The following ZNF257 variants were observed in gnomAD, a reference collection of about 807,000 sequenced individuals.
The protein encoded by ZNF257 is bone marrow zinc finger 4.
In ZNF257, 12 loss-of-function variants were observed where a neutral mutation model predicts 11.9. The ratio of observed to expected loss-of-function variants is 1.01; its 90% CI spans 0.65 to 1.63. ZNF257 has a LOEUF of 1.63. Ranked by LOEUF, ZNF257 falls within the 40% of genes most tolerant of loss-of-function variation. ZNF257 has a pLI of 0.00. For missense variants in ZNF257, 580 were observed against 665.5 expected, an observed-to-expected ratio of 0.87 and a Z score of 1.41; for synonymous variants, 183 against 222.7, an observed-to-expected ratio of 0.82 and a Z score of 1.59.
At chr19:22,052,943 A>C (rs1971735824) in intron 1 of ZNF257, among the ~76,000 whole-genome samples, 1 of 152,298 alleles carries the variant, frequency 6.6e-6, no homozygotes, top group South Asian at 2.1e-4. Flanking sequence ...GAGAGTCGTC[A>C]GGGGAGAATC....
At chr19:22,054,615 T>C (rs902271844) in intron 1 of ZNF257, among the ~76,000 whole-genome samples, 5 of 152,236 alleles carry the variant, frequency 3.3e-5, no homozygotes, top group African/African-American at 1.2e-4. Flanking sequence ...GATGGCACTT[T>C]AAAAAGATTT....
chr19:22,072,830 G>C lies in ZNF257; in HGVS notation c.25G>C (p.Val9Leu). ...TCAGGGACCACTGACAATTAGGGAT[G>C]TGACTGTAGAATTCTCTCTGGAGGA... MGPLTIRD[V>L]TVEFSLEEWH... is the part of the protein sequence containing the mutation. The change falls in exon 2 of 4, where the codon GTG (valine) becomes CTG (leucine). Residue 9 changes from valine to leucine, a missense_variant. By Grantham distance (32) the Val-to-Leu change is conservative (BLOSUM62 1). Coordinates refer to ENST00000594947, the MANE Select transcript of ZNF257 (RefSeq NM_033468.4). 1 of 1,612,880 alleles carries C rather than the reference G, an allele frequency of 6.2e-7. No homozygotes were observed. Among genetic ancestry groups the C allele is most frequent in the Non-Finnish European group, 8.5e-7 (1 of 1,179,430 alleles).
rs1487262999 is a variant in ZNF257 at position 22,088,347 on chromosome 19, T to C, written c.597T>C (p.Asn199=). ...TRHKRIHIRE[N]SHKCEECGKA... ...ATAAGAGAATTCATATTAGAGAGAA[T>C]TCCCACAAATGTGAAGAATGTGGCA... The change falls in exon 4 of 4, where the codon AAT becomes AAC. Residue 199 remains asparagine (N), a synonymous_variant. Transcript: ENST00000594947. 1.2e-6 allele frequency: 2 copies of C among 1,611,304 alleles called. No individual in the cohort carries two copies. Among genetic ancestry groups the C allele is most frequent in the East Asian group, 2.2e-5 (1 of 44,752 alleles).
chr19:22,090,773 A>T lies in ZNF257; in HGVS notation c.*1331A>T, dbSNP rs1406724507. 6.6e-6 allele frequency: 1 copy of T among 152,160 alleles called. No homozygotes were observed. The highest frequency in any genetic ancestry group is 2.1e-4 in the South Asian group (1 of 4,836). The allele number at this position is 152,160 out of a possible 1,614,324, so 9.4% of individuals were successfully genotyped here. ...AAATAATGATGTAAGTCAACTCTCA[A>T]ATTACTTCATGCTGTTTCTTCATTT... On this transcript the variant is annotated 3_prime_UTR_variant, in exon 4 of 4. Transcript: ENST00000594947.
chr19:22,080,884 T>G (rs1182649994), intron 3 of ZNF257, among the ~76,000 whole-genome samples: 1 of 55,512 alleles, frequency 1.8e-5, no homozygotes, highest in Non-Finnish European at 4.6e-5. Context: ...ATATAGTTGG[T>G]TTTTTTTTTT....
chr19:22,053,366 C>CAAA (rs61426953), intron 1 of ZNF257, among the ~76,000 whole-genome samples: 1,533 of 76,390 alleles, frequency 0.02, 157 homozygotes, highest in East Asian at 0.086. Context: ...GACTCCGTCT[C>CAAA]AAAAAAAAAA....
Position 22,085,285 on chromosome 19 carries a change from T to C in ZNF257, c.227-2692T>C, listed in dbSNP as rs1599674322. The stretch of plus-strand genomic sequence containing the variant: ...TGTATTTTCATGTTGGCCAGGCTGG[T>C]CTTGAACTCCTGACCTCAGGTGATC... On this transcript the variant is annotated intron_variant, in intron 3 of 3. Coordinates refer to ENST00000594947, the MANE Select transcript of ZNF257 (RefSeq NM_033468.4). Among the ~76,000 whole-genome samples the C allele has an allele frequency of 3.3e-5, 5 of 152,084 alleles. No individual in the cohort carries two copies. In the East Asian group the frequency reaches 9.7e-4, roughly 30 times the overall value.
chr19:22,062,820 T>C (rs1235843726), intron 1 of ZNF257, among the ~76,000 whole-genome samples: 1 of 152,192 alleles, frequency 6.6e-6, no homozygotes, highest in Non-Finnish European at 1.5e-5. Context: ...TTTTCCATTT[T>C]ATCTTTGCTG....
intron 1 of ZNF257, among the ~76,000 whole-genome samples, chr19:22,063,035 A>G (rs563339744): frequency 4.7e-4 from 72 of 152,246 alleles, no homozygotes; most frequent in Middle Eastern, 3.4e-3. Context: ...TTATTTGTCT[A>G]TTCAGGGCTT....
At chr19:22,084,753 A>G (rs1370030421) in intron 3 of ZNF257, among the ~76,000 whole-genome samples, 1 of 116,762 alleles carries the variant, frequency 8.6e-6, no homozygotes, top group Non-Finnish European at 1.7e-5. Context: ...TTTTTTTTTG[A>G]GACAATCTCA....
chr19:22,073,483 A>G lies in ZNF257; in HGVS notation c.145A>G (p.Lys49Glu). 3.1e-6 allele frequency: 5 copies of G among 1,610,480 alleles called. No individual in the cohort carries two copies. The highest frequency in any genetic ancestry group is 4.2e-6 in the Non-Finnish European group (5 of 1,178,720). Residue 49 changes from lysine to glutamate, a missense_variant, in exon 3 of 4, where the codon AAG (lysine) becomes GAG (glutamate). Lys to Glu is a moderately conservative substitution (Grantham distance 56, BLOSUM62 1). Transcript: ENST00000594947. Reference protein sequence around the residue: ...NLVFLGIAVSKPDLITCLEQG... With the variant: ...NLVFLGIAVSEPDLITCLEQG... ...TTAAAAAACAGGTATTGCTGTCTCT[A>G]AGCCAGACCTGATCACCTGTCTGGA...
intron 3 of ZNF257, among the ~76,000 whole-genome samples, chr19:22,082,385 G>A (rs1215227532): frequency 6.6e-6 from 1 of 152,064 alleles, no homozygotes; most frequent in Non-Finnish European, 1.5e-5. Flanking sequence ...TGTTCCTCAG[G>A]ATGTTCTTGA....
Position 22,088,873 on chromosome 19 carries a change from G to C in ZNF257, c.1123G>C (p.Glu375Gln), listed in dbSNP as rs1350097673. Residue 375 changes from glutamate to glutamine, a missense_variant, in exon 4 of 4, where the codon GAA (glutamate) becomes CAA (glutamine). Glu to Gln is a conservative substitution (Grantham distance 29). Coordinates refer to ENST00000594947, the MANE Select transcript of ZNF257 (RefSeq NM_033468.4). ...TACTAAAGAGAAACCCTACAAATGTGAAGAGTGTGGAAAAGCCTTTAACCG... is the reference window on the plus strand; with the variant it reads ...TACTAAAGAGAAACCCTACAAATGTCAAGAGTGTGGAAAAGCCTTTAACCG... Reference protein sequence around the residue: ...IHTKEKPYKCEECGKAFNRSS... With the variant: ...IHTKEKPYKCQECGKAFNRSS... 6.2e-7 allele frequency: 1 copy of C among 1,612,440 alleles called. No individual in the cohort carries two copies. The highest frequency in any genetic ancestry group is 1.7e-5 in the Admixed American group (1 of 59,792).
chr19:22,081,718 C>T (rs963951697), intron 3 of ZNF257, among the ~76,000 whole-genome samples: 11 of 151,914 alleles, frequency 7.2e-5, no homozygotes, highest in Non-Finnish European at 1.3e-4. Context: ...TTTGTAGAGA[C>T]ACAGTTTTGC....
intron 1 of ZNF257, chr19:22,063,967 C>G (rs1207878366): frequency 1.3e-5 from 2 of 152,018 alleles, no homozygotes; most frequent in Admixed American, 1.3e-4. Flanking sequence ...TAGTCTCCTA[C>G]TGTTGTGTCA....
In ZNF257 at chr19:22,090,080, GA is replaced by G. The variant is rs1418147937; in HGVS notation, c.*641del. 6.6e-6 allele frequency: 1 copy of G among 152,638 alleles called. No homozygotes were observed. The highest frequency in any genetic ancestry group is 1.5e-5 in the Non-Finnish European group (1 of 68,430). 9.5% of individuals were successfully genotyped at this position (152,638 alleles called of 1,614,324 possible). A position where few individuals can be genotyped will look rare whatever the true frequency, so the allele number is the denominator to read the frequency against. On this transcript the variant is annotated 3_prime_UTR_variant, in exon 4 of 4. Coordinates refer to ENST00000594947, the MANE Select transcript of ZNF257 (RefSeq NM_033468.4). ...CCAGTGTTCACAACTTATTGTACAG[GA>G]AAGCATTTATAGTTGAGAAATGGTG...
chr19:22,064,524 C>T (rs1444755964), intron 1 of ZNF257, among the ~76,000 whole-genome samples: 1 of 151,990 alleles, frequency 6.6e-6, no homozygotes, highest in Non-Finnish European at 1.5e-5. Context: ...TTAAATTTAG[C>T]CATACAGAAT....
chr19:22,054,179 TCTC>T (rs2021563547), intron 1 of ZNF257, among the ~76,000 whole-genome samples: 1 of 151,748 alleles, frequency 6.6e-6, no homozygotes, highest in Non-Finnish European at 1.5e-5. Context: ...TTCAAGCTAT[TCTC>T]CTGTCTCATC....
intron 1 of ZNF257, among the ~76,000 whole-genome samples, chr19:22,058,149 C>T (rs1426583281): frequency 6.6e-6 from 1 of 152,020 alleles, no homozygotes; most frequent in African/African-American, 2.4e-5. Context: ...AGAGCCCCAT[C>T]TAAGTTATAA....
Sources: gnomAD v4.1 joint callset for allele counts (sites outside exome capture counted in the v4.1 genomes callset) on GRCh38, gnomAD v4.1.1 for gene constraint, MANE v1.5 for transcripts, NCBI Gene and HGNC (gene_info 2026-07-23, HGNC 2026-07-21) for gene names.